Variants in NTM observed in about 807,000 individuals in gnomAD.
NTM encodes the protein IgLON family member 2.
In NTM, 13 loss-of-function variants were observed where a neutral mutation model predicts 42.1. The observed-to-expected ratio is 0.31, with a 90% CI of 0.20 to 0.49. The LOEUF (loss-of-function observed/expected upper bound fraction) is 0.49. NTM is among the 20% of genes least tolerant of loss of function. The pLI, the probability that NTM is intolerant of heterozygous loss-of-function variation, is 0.99. For missense variants in NTM, 373 were observed against 452.8 expected, an observed-to-expected ratio of 0.82 and a Z score of 1.60; for synonymous variants, 187 against 179.2, an observed-to-expected ratio of 1.04 and a Z score of -0.35.
chr11:131,734,193 C>T lies in NTM; in HGVS notation c.83-177371C>T, dbSNP rs2080110461. ...ACCCATAATTCTACCCCCTCATCCC[C>T]CATCCCTGAAGCTGAGTTCCTAGGT... On this transcript the variant is annotated intron_variant, in intron 1 of 8. Transcript: ENST00000683400. Among the ~76,000 whole-genome samples, 5 of 152,090 alleles carry T rather than the reference C, an allele frequency of 3.3e-5. No individual in the cohort carries two copies. In the South Asian group the frequency reaches 1.0e-3, roughly 32 times the overall value.
Position 131,374,822 on chromosome 11 carries a change from T to C in NTM, c.82+3934T>C, listed in dbSNP as rs1017591491. 3.3e-5 allele frequency among the ~76,000 whole-genome samples: 5 copies of C among 152,206 alleles called. 1 individual carries two copies. In the East Asian group the frequency reaches 7.7e-4, roughly 24 times the overall value. On this transcript the variant is annotated intron_variant, in intron 1 of 8. Coordinates refer to ENST00000683400, the MANE Select transcript of NTM (RefSeq NM_001352005.2). Reference sequence around the variant, plus strand: ...TGAATCAATATGGGGCACATGATTCTGACGTGTACAGAAAACACATGCTGG... The same window carrying C: ...TGAATCAATATGGGGCACATGATTCCGACGTGTACAGAAAACACATGCTGG...
intron 6 of NTM, among the ~76,000 whole-genome samples, chr11:132,311,999 G>C (rs2095294921): frequency 6.6e-6 from 1 of 152,080 alleles, no homozygotes; most frequent in South Asian, 2.1e-4. Flanking sequence ...TCTTCTGATG[G>C]CCTCTCCTTT....
At chr11:131,839,861 TA>T (rs1172379533) in intron 1 of NTM, among the ~76,000 whole-genome samples, 4 of 152,194 alleles carry the variant, frequency 2.6e-5, no homozygotes, top group Non-Finnish European at 1.5e-5. Context: ...CATTGGGAGA[TA>T]GTCAGTTTCT....
At chr11:132,181,823 A>T (rs927812253) in intron 3 of NTM, among the ~76,000 whole-genome samples, 1 of 152,054 alleles carries the variant, frequency 6.6e-6, no homozygotes, top group African/African-American at 2.4e-5. Context: ...ATTTTTAACT[A>T]TGTATGCAAA....
chr11:131,599,868 T>C (rs2324510), intron 1 of NTM, among the ~76,000 whole-genome samples: 65,161 of 152,104 alleles, frequency 0.43, 16,041 homozygotes, highest in East Asian at 0.61. Flanking sequence ...TAGCAGAAAA[T>C]GCAAGTCAGG....
intron 1 of NTM, among the ~76,000 whole-genome samples, chr11:131,539,877 CCTCATCTCCATGGGAAAAA>C (rs2136778663): frequency 6.6e-6 from 1 of 152,222 alleles, no homozygotes; most frequent in East Asian, 1.9e-4. Flanking sequence ...CTATCCTGGA[CCTCATCTCCATGGGAAAAA>C]CTCATCTCTG....
intron 2 of NTM, among the ~76,000 whole-genome samples, chr11:131,985,844 A>G (rs1057324124): frequency 2.0e-5 from 3 of 152,176 alleles, no homozygotes; most frequent in South Asian, 2.1e-4. Flanking sequence ...TATCCACCAC[A>G]TATAACTGTT....
intron 1 of NTM, among the ~76,000 whole-genome samples, chr11:131,804,093 G>A (rs4083232): frequency 0.69 from 105,407 of 151,960 alleles, 36,836 homozygotes; most frequent in East Asian, 0.79. Context: ...TTGCTATTTC[G>A]TACCACTCCT....
intron 4 of NTM, among the ~76,000 whole-genome samples, chr11:132,265,060 A>G (rs1161984378): frequency 6.6e-6 from 1 of 152,250 alleles, no homozygotes. Flanking sequence ...AAACCATAGT[A>G]GTAGCTAAGG....
intron 2 of NTM, among the ~76,000 whole-genome samples, chr11:132,048,820 T>TTTTTC (rs747442838): frequency 0.21 from 4,359 of 20,488 alleles, 68 homozygotes; most frequent in East Asian, 0.44. Flanking sequence ...TCTTTTTTCT[T>TTTTTC]TTTTTTTTTT....
intron 1 of NTM, among the ~76,000 whole-genome samples, chr11:131,474,655 T>G (rs1034036434): frequency 6.6e-6 from 1 of 152,160 alleles, no homozygotes; most frequent in African/African-American, 2.4e-5. Context: ...CCTGGACTTT[T>G]CAACATTCAT....
intron 1 of NTM, chr11:131,911,188 C>T: frequency 1.5e-6 from 2 of 1,356,712 alleles, no homozygotes; most frequent in East Asian, 3.0e-5. Flanking sequence ...TCACCTGCCG[C>T]GCGCTTCCCC....
intron 4 of NTM, among the ~76,000 whole-genome samples, chr11:132,243,727 G>C (rs1381867589): frequency 6.6e-6 from 1 of 152,218 alleles, no homozygotes; most frequent in Non-Finnish European, 1.5e-5. Flanking sequence ...CTGACCATCT[G>C]CCCAACTTTT....
chr11:132,089,606 G>T (rs1339396928), intron 2 of NTM, among the ~76,000 whole-genome samples: 1 of 152,076 alleles, frequency 6.6e-6, no homozygotes, highest in African/African-American at 2.4e-5. Flanking sequence ...TGAATATCCT[G>T]CCCTGGGCTT....
At chr11:131,657,185 G>A (rs573053467) in intron 1 of NTM, among the ~76,000 whole-genome samples, 31 of 152,126 alleles carry the variant, frequency 2.0e-4, no homozygotes, top group African/African-American at 7.5e-4. Flanking sequence ...GGTCAGGTGA[G>A]GGGACCCTTG....
chr11:132,062,205 A>G (rs916156631), intron 2 of NTM, among the ~76,000 whole-genome samples: 5 of 152,218 alleles, frequency 3.3e-5, no homozygotes, highest in African/African-American at 4.8e-5. Context: ...AACCTGCCTC[A>G]AAGATGTTCC....
At chr11:131,698,082 G>C (rs7115172) in intron 1 of NTM, among the ~76,000 whole-genome samples, 1 of 152,062 alleles carries the variant, frequency 6.6e-6, no homozygotes, top group Non-Finnish European at 1.5e-5. Context: ...CCAGAGCTCA[G>C]GTCAAGACAG....
chr11:131,642,017 G>C (rs1252279579), intron 1 of NTM, among the ~76,000 whole-genome samples: 3 of 152,118 alleles, frequency 2.0e-5, no homozygotes, highest in Non-Finnish European at 4.4e-5. Flanking sequence ...GAGCCACTGT[G>C]CCCGGCCCCA....
intron 7 of NTM, among the ~76,000 whole-genome samples, chr11:132,317,399 C>T (rs747040930): frequency 6.6e-6 from 1 of 152,104 alleles, no homozygotes; most frequent in Non-Finnish European, 1.5e-5. Flanking sequence ...CCAACTGCAC[C>T]AGAATATGTA....
Sources: gnomAD v4.1 joint callset for allele counts (sites outside exome capture counted in the v4.1 genomes callset) on GRCh38, gnomAD v4.1.1 for gene constraint, MANE v1.5 for transcripts, NCBI Gene and HGNC (gene_info 2026-07-23, HGNC 2026-07-21) for gene names.